The following MYH15 variants were observed in gnomAD, a reference collection of about 807,000 sequenced individuals.
MYH15 encodes myosin heavy chain 15.
A neutral mutation model predicts 240.5 loss-of-function variants in MYH15; 227 were observed. The ratio of observed to expected loss-of-function variants is 0.94; its 90% CI spans 0.85 to 1.05. The LOEUF (loss-of-function observed/expected upper bound fraction) is 1.05, where lower values mean the gene tolerates loss of function less well. Ranked by LOEUF, MYH15 falls within the 50% of genes least tolerant of loss-of-function variation. The pLI, the probability that MYH15 is intolerant of heterozygous loss-of-function variation, is 0.00. For synonymous variants in MYH15, 785 were observed against 796.7 expected (o/e 0.99, Z 0.25); for missense variants, 2,217 against 2,247.5 (o/e 0.99, Z 0.27).
intron 9 of MYH15, among the ~76,000 whole-genome samples, chr3:108,487,759 CACTT>C (rs1383517246): frequency 1.2e-4 from 18 of 152,154 alleles, no homozygotes; most frequent in African/African-American, 4.3e-4. Flanking sequence ...TATATGTTAA[CACTT>C]ACCTGTTATA....
At chr3:108,480,866 C>T (rs2083260912) in intron 11 of MYH15, among the ~76,000 whole-genome samples, 1 of 152,148 alleles carries the variant, frequency 6.6e-6, no homozygotes, top group Non-Finnish European at 1.5e-5. Flanking sequence ...TAAGATGCCC[C>T]TTTGGGTTTG....
chr3:108,513,028 G>C (rs542688032), upstream of MYH15, among the ~76,000 whole-genome samples: 10 of 152,190 alleles, frequency 6.6e-5, no homozygotes, highest in Admixed American at 1.3e-4. Flanking sequence ...GTCCCTTTAG[G>C]TTCCAGTTGC....
At chr3:108,523,664 T>C (rs1379676807) in intron 1 of MYH15, among the ~76,000 whole-genome samples, 1 of 151,996 alleles carries the variant, frequency 6.6e-6, no homozygotes, top group East Asian at 1.9e-4. Context: ...ACATTATCCT[T>C]CTTGCTTTTA....
chr3:108,507,276 T>TATATACAC (rs1340070501), intron 1 of MYH15, among the ~76,000 whole-genome samples: 6 of 97,984 alleles, frequency 6.1e-5, no homozygotes, highest in Non-Finnish European at 1.3e-4. Context: ...TATATATATA[T>TATATACAC]ACACATATGA....
chr3:108,457,884 A>C (rs969914747), intron 18 of MYH15, among the ~76,000 whole-genome samples: 1 of 152,054 alleles, frequency 6.6e-6, no homozygotes, highest in African/African-American at 2.4e-5. Context: ...AAATATAAAA[A>C]TTAGCCAGGC....
intron 25 of MYH15, among the ~76,000 whole-genome samples, chr3:108,436,668 A>G (rs1030954065): frequency 6.6e-6 from 1 of 152,166 alleles, no homozygotes; most frequent in Non-Finnish European, 1.5e-5. Context: ...CCTCCCAAGT[A>G]GCTGGGACTA....
intron 33 of MYH15, among the ~76,000 whole-genome samples, chr3:108,402,222 C>T (rs2082511075): frequency 6.6e-6 from 1 of 152,076 alleles, no homozygotes; most frequent in Admixed American, 6.5e-5. Context: ...CAAAGACACT[C>T]GAAAATATTT....
At chr3:108,464,148 A>C (rs1352775460) in intron 15 of MYH15, among the ~76,000 whole-genome samples, 2 of 152,206 alleles carry the variant, frequency 1.3e-5, no homozygotes, top group Non-Finnish European at 2.9e-5. Flanking sequence ...CCAGAAGTAG[A>C]AATGCAGAAA....
intron 27 of MYH15, among the ~76,000 whole-genome samples, chr3:108,426,465 C>T (rs1333470355): frequency 6.6e-6 from 1 of 152,204 alleles, no homozygotes; most frequent in Non-Finnish European, 1.5e-5. Flanking sequence ...CCCCACATGC[C>T]AGTTCAGTGC....
the MYH15 span, among the ~76,000 whole-genome samples, chr3:108,541,134 A>C: frequency 1.3e-5 from 2 of 151,996 alleles, no homozygotes; most frequent in Admixed American, 1.3e-4. Flanking sequence ...TAATCTAAAA[A>C]CCTATAAACC....
intron 38 of MYH15, among the ~76,000 whole-genome samples, chr3:108,385,778 C>T (rs1317334384): frequency 6.6e-6 from 1 of 150,860 alleles, no homozygotes; most frequent in Non-Finnish European, 1.5e-5. Context: ...CCCCTACTTA[C>T]CTTCCATTCC....
chr3:108,397,411 C>T (rs1166179969), intron 35 of MYH15, among the ~76,000 whole-genome samples: 2 of 152,204 alleles, frequency 1.3e-5, no homozygotes, highest in African/African-American at 2.4e-5. Flanking sequence ...AAGAAGCATA[C>T]TGTGCAGCTA....
chr3:108,418,637 CTT>C (rs35597878), intron 28 of MYH15, among the ~76,000 whole-genome samples: 354 of 144,358 alleles, frequency 2.5e-3, no homozygotes, highest in Middle Eastern at 3.5e-3. Flanking sequence ...CATCTTGTGG[CTT>C]TTTTTTTTTT....
At position 108,464,829 on chromosome 3, in the gene MYH15, T is replaced by C. The variant is rs1293508150; in HGVS notation, c.1555-15A>G. 1.9e-6 allele frequency: 3 copies of C among 1,579,334 alleles called. No individual in the cohort carries two copies. In the African/African-American group the frequency reaches 4.1e-5, roughly 22 times the overall value. On this transcript the variant is annotated splice_polypyrimidine_tract_variant and intron_variant, in intron 14 of 40. Transcript: ENST00000693548. Reference sequence around the variant, plus strand: ...ATGCCCATTGGCTGTTGAAGAGACATAAGAGCAGCAGATTTCTTTAAAAAC... The same window carrying C: ...ATGCCCATTGGCTGTTGAAGAGACACAAGAGCAGCAGATTTCTTTAAAAAC...
chr3:108,385,484 T>C (rs75367116), intron 38 of MYH15, among the ~76,000 whole-genome samples: 2,903 of 152,276 alleles, frequency 0.019, 102 homozygotes, highest in African/African-American at 0.066. Flanking sequence ...TGGGATAATG[T>C]TTCTCAACTG....
At chr3:108,503,984 T>G (rs1375243891) in intron 2 of MYH15, among the ~76,000 whole-genome samples, 1 of 152,236 alleles carries the variant, frequency 6.6e-6, no homozygotes, top group East Asian at 1.9e-4. Flanking sequence ...AATGAAATAT[T>G]TATTCATGTG....
At chr3:108,531,423 G>C (rs984689570), upstream of MYH15, among the ~76,000 whole-genome samples, 3 of 152,096 alleles carry the variant, frequency 2.0e-5, no homozygotes, top group African/African-American at 7.2e-5. Context: ...TGAAACTCTG[G>C]GGGAGAGGGT....
intron 9 of MYH15, among the ~76,000 whole-genome samples, chr3:108,489,770 C>A (rs1437762760): frequency 6.6e-6 from 1 of 152,184 alleles, no homozygotes; most frequent in Admixed American, 6.5e-5. Context: ...TCAGGATACT[C>A]TGAAGCTCTT....
chr3:108,495,631 AT>A (rs1169691809), intron 7 of MYH15, 148 bp downstream of exon 7: 55 of 489,096 alleles, frequency 1.1e-4, no homozygotes, highest in East Asian at 2.7e-4. Flanking sequence ...ATAGATAGTA[AT>A]TTTTTTTGAG....
Sources: gnomAD v4.1 joint callset for allele counts (sites outside exome capture counted in the v4.1 genomes callset) on GRCh38, gnomAD v4.1.1 for gene constraint, MANE v1.5 for transcripts, NCBI Gene and HGNC (gene_info 2026-07-23, HGNC 2026-07-21) for gene names.